The following TNIK variants were observed in gnomAD, a reference collection of about 807,000 sequenced individuals.
TNIK encodes TRAF2 and NCK-interacting protein kinase.
TNIK carries 49 observed loss-of-function variants against 191.3 expected under a neutral mutation model. The ratio of observed to expected loss-of-function variants is 0.26; its 90% CI spans 0.20 to 0.32. The LOEUF (loss-of-function observed/expected upper bound fraction) is 0.32, where lower values mean the gene tolerates loss of function less well. TNIK is among the 10% of genes least tolerant of loss of function. TNIK has a pLI of 1.00. For missense variants in TNIK, 1,155 were observed against 1,702.3 expected, an observed-to-expected ratio of 0.68 and a Z score of 5.66; for synonymous variants, 594 against 600.9, an observed-to-expected ratio of 0.99 and a Z score of 0.17.
At chr3:171,236,673 G>T (rs190460829) in intron 2 of TNIK, among the ~76,000 whole-genome samples, 1 of 152,190 alleles carries the variant, frequency 6.6e-6, no homozygotes, top group Non-Finnish European at 1.5e-5. Context: ...CATTTTTAAA[G>T]ATTTCAAATC....
chr3:171,252,448 T>C (rs1034217820), intron 2 of TNIK, among the ~76,000 whole-genome samples: 37 of 152,176 alleles, frequency 2.4e-4, no homozygotes, highest in African/African-American at 7.7e-4. Flanking sequence ...AAAACTCATA[T>C]CGTGTGCACG....
intron 1 of TNIK, among the ~76,000 whole-genome samples, chr3:171,415,776 T>C (rs1356594115): frequency 2.7e-5 from 4 of 145,880 alleles, no homozygotes; most frequent in Admixed American, 1.4e-4. Context: ...AGGTCAGGAG[T>C]TTGAAATCAG....
intron 12 of TNIK, among the ~76,000 whole-genome samples, chr3:171,149,100 A>C (rs1046495309): frequency 7.2e-5 from 11 of 152,242 alleles, no homozygotes. Context: ...GTGAAATAAG[A>C]TTTCATGTGA....
chr3:171,304,634 G>A (rs946353253), intron 2 of TNIK, among the ~76,000 whole-genome samples: 1 of 152,126 alleles, frequency 6.6e-6, no homozygotes, highest in Non-Finnish European at 1.5e-5. Context: ...TGATAGACTG[G>A]ATTAAGAAAA....
chr3:171,403,507 C>G (rs919373757), intron 1 of TNIK, among the ~76,000 whole-genome samples: 21 of 150,992 alleles, frequency 1.4e-4, no homozygotes, highest in African/African-American at 5.1e-4. Context: ...CCAGCTACTC[C>G]AGAGGCTGAG....
intron 2 of TNIK, among the ~76,000 whole-genome samples, chr3:171,255,261 G>GA (rs1171011111): frequency 1.3e-5 from 2 of 152,126 alleles, no homozygotes; most frequent in African/African-American, 4.8e-5. Flanking sequence ...TTAGGTTATG[G>GA]AAAATCCCAC....
At chr3:171,418,400 T>C (rs1027878511) in intron 1 of TNIK, among the ~76,000 whole-genome samples, 4 of 152,196 alleles carry the variant, frequency 2.6e-5, no homozygotes, top group East Asian at 3.9e-4. Context: ...CAGATGTTCA[T>C]AGCAGCATTA....
chr3:171,188,583 A>G, intron 7 of TNIK, 119 bp downstream of exon 7: 7 of 1,293,276 alleles, frequency 5.4e-6, no homozygotes, highest in Non-Finnish European at 7.2e-6. Flanking sequence ...AAACTCAAAT[A>G]ATGTTTTTCA....
intron 17 of TNIK, 141 bp downstream of exon 17, chr3:171,125,771 G>T (rs1728378338): frequency 4.6e-6 from 6 of 1,294,496 alleles, no homozygotes; most frequent in Non-Finnish European, 6.4e-6. Context: ...GCCAGGGAAT[G>T]AAGAGGGACC....
chr3:171,126,171 G>A lies in TNIK; in HGVS notation c.1774-20C>T. 6.8e-7 allele frequency: 1 copy of A among 1,480,090 alleles called. No individual in the cohort carries two copies. The highest frequency in any genetic ancestry group is 9.0e-7 in the Non-Finnish European group (1 of 1,116,374). The allele number at this position is 1,480,090 out of a possible 1,614,324, so 91.7% of individuals were successfully genotyped here. Reference sequence around the variant, plus strand: ...TGGGATCTAAGCATCAAAACAACATGAAAACAGCACTATTAGAAGAAAAAA... The same window carrying A: ...TGGGATCTAAGCATCAAAACAACATAAAAACAGCACTATTAGAAGAAAAAA... On this transcript the variant is annotated intron_variant, in intron 16 of 32. Transcript: ENST00000436636.
intron 2 of TNIK, among the ~76,000 whole-genome samples, chr3:171,299,873 C>T (rs185274254): frequency 7.6e-4 from 116 of 152,282 alleles, no homozygotes; most frequent in Admixed American, 1.4e-3. Context: ...CAACACCTAA[C>T]GTACAAGGAG....
Position 171,060,027 on chromosome 3 carries a change from TC to T in TNIK, c.*3853del, listed in dbSNP as rs773678847. The stretch of plus-strand genomic sequence containing the variant: ...AAGTTTTATCAATAACTATTTTTTT[TC>T]TTAAAAATAATGTAGCACATCTTAC... On this transcript the variant is annotated 3_prime_UTR_variant, in exon 33 of 33. Coordinates refer to ENST00000436636, the MANE Select transcript of TNIK (RefSeq NM_015028.4). Among the ~76,000 whole-genome samples, 3 of 152,212 alleles carry T rather than the reference TC, an allele frequency of 2.0e-5. No homozygotes were observed. Among genetic ancestry groups the T allele is most frequent in the South Asian group, 2.1e-4 (1 of 4,836 alleles).
intron 13 of TNIK, 112 bp from the exon 14 acceptor site, chr3:171,139,668 A>G: frequency 1.1e-6 from 1 of 875,462 alleles, no homozygotes; most frequent in Non-Finnish European, 1.9e-6. Context: ...GAAGGAGGGG[A>G]AAAATACCCA....
intron 2 of TNIK, among the ~76,000 whole-genome samples, chr3:171,294,056 C>A (rs1415367467): frequency 6.9e-6 from 1 of 143,948 alleles, no homozygotes; most frequent in Non-Finnish European, 1.5e-5. Flanking sequence ...GAAACCCTGT[C>A]TCTACTAAAA....
intron 2 of TNIK, among the ~76,000 whole-genome samples, chr3:171,367,660 A>G (rs11717032): frequency 0.88 from 134,548 of 152,136 alleles, 59,653 homozygotes; most frequent in Non-Finnish European, 0.92. Flanking sequence ...TAGTAGAGAC[A>G]GGGTTGCATC....
chr3:171,441,513 T>A (rs1726795171), intron 1 of TNIK, among the ~76,000 whole-genome samples: 1 of 152,228 alleles, frequency 6.6e-6, no homozygotes. Context: ...CTAATAGTAT[T>A]CTATTGTATG....
intron 1 of TNIK, among the ~76,000 whole-genome samples, chr3:171,459,413 A>C (rs1393985566): frequency 6.6e-6 from 1 of 152,138 alleles, no homozygotes; most frequent in East Asian, 1.9e-4. Context: ...ACTGGCATTT[A>C]AGGGAGCGCT....
intron 4 of TNIK, among the ~76,000 whole-genome samples, chr3:171,205,127 G>GGCC: frequency 6.6e-6 from 1 of 152,288 alleles, no homozygotes; most frequent in African/African-American, 2.4e-5. Context: ...GTGAGTCAGA[G>GGCC]GCCTTGGAAT....
intron 23 of TNIK, among the ~76,000 whole-genome samples, chr3:171,093,259 C>T (rs572487150): frequency 6.6e-6 from 1 of 152,086 alleles, no homozygotes; most frequent in East Asian, 1.9e-4. Context: ...CATGTGCCAC[C>T]CCCCAAATGA....
Sources: gnomAD v4.1 joint callset for allele counts (sites outside exome capture counted in the v4.1 genomes callset) on GRCh38, gnomAD v4.1.1 for gene constraint, MANE v1.5 for transcripts, NCBI Gene and HGNC (gene_info 2026-07-23, HGNC 2026-07-21) for gene names.